BCAT1: variants seen among roughly 807,000 people sequenced by gnomAD.
BCAT1 encodes branched chain amino acid transaminase 1.
BCAT1 carries 48 observed loss-of-function variants against 52.4 expected under a neutral mutation model. That is an observed-to-expected ratio of 0.92 (90% CI 0.73 to 1.16). The LOEUF is 1.16. Among genes scored for constraint, BCAT1 ranks in the 50% most tolerant of loss-of-function variants. BCAT1 has a pLI of 0.00. For missense variants in BCAT1, 451 were observed against 457.1 expected, an observed-to-expected ratio of 0.99 and a Z score of 0.12; for synonymous variants, 167 against 161.3, an observed-to-expected ratio of 1.04 and a Z score of -0.27.
chr12:24,854,986 C>G (rs1157974663), intron 5 of BCAT1, among the ~76,000 whole-genome samples: 1 of 152,060 alleles, frequency 6.6e-6, no homozygotes, highest in African/African-American at 2.4e-5. Context: ...GAGTGCCCCC[C>G]GCCCCTGAGC....
chr12:24,898,520 CTTTTT>C (rs71448094), intron 2 of BCAT1, among the ~76,000 whole-genome samples: 13 of 38,530 alleles, frequency 3.4e-4, no homozygotes, highest in African/African-American at 8.6e-4. Context: ...TCAGTCAACA[CTTTTT>C]TTTTTTTTTT....
In BCAT1 at chr12:24,866,292, C is replaced by G. The variant is rs372178795; in HGVS notation, c.510+12238G>C. Among the ~76,000 whole-genome samples the G allele has an allele frequency of 4.9e-4, 74 of 152,340 alleles. No individual in the cohort carries two copies. The South Asian group carries it at 6.8e-3, about 14-fold the overall frequency. On this transcript the variant is annotated intron_variant, in intron 5 of 10. Transcript: ENST00000261192. Reference sequence around the variant, plus strand: ...ACCGGCGCCGCGCTAGATTTCTCGCCGGGCCAGATTTCTCGCCAGGCCTTA... The same window carrying G: ...ACCGGCGCCGCGCTAGATTTCTCGCGGGGCCAGATTTCTCGCCAGGCCTTA...
rs1939938746 is a variant in BCAT1 at position 24,817,876 on chromosome 12, T to C, written c.*132A>G. On this transcript the variant is annotated 3_prime_UTR_variant, in exon 11 of 11. Transcript: ENST00000261192. ...TGGCATGAAGAAACAATCACTCTTGTAACACATTGATACTACAAACTACAT... is the reference window on the plus strand; with the variant it reads ...TGGCATGAAGAAACAATCACTCTTGCAACACATTGATACTACAAACTACAT... The C allele has an allele frequency of 1.1e-6, 1 of 891,372 alleles. No homozygotes were observed. The highest frequency in any genetic ancestry group is 1.7e-5 in the African/African-American group (1 of 60,340). The allele number at this position is 891,372 out of a possible 1,614,324, so 55.2% of individuals were successfully genotyped here.
chr12:24,837,573 C>T (rs1010191223), intron 7 of BCAT1, among the ~76,000 whole-genome samples: 10 of 151,522 alleles, frequency 6.6e-5, no homozygotes, highest in Admixed American at 3.3e-4. Context: ...ATTACAGGTA[C>T]GCGCCACCAC....
chr12:24,887,369 T>G (rs529253485), intron 3 of BCAT1, among the ~76,000 whole-genome samples: 204 of 152,070 alleles, frequency 1.3e-3, no homozygotes, highest in African/African-American at 4.8e-3. Flanking sequence ...AGATCTTACA[T>G]AATACTAAGC....
At chr12:24,836,823 A>AAGAAAG (rs1555102765) in intron 7 of BCAT1, among the ~76,000 whole-genome samples, 1 of 114,364 alleles carries the variant, frequency 8.7e-6, no homozygotes, top group Non-Finnish European at 1.8e-5. Context: ...GGAAGGAAAG[A>AAGAAAG]AGGAAGGAAG....
chr12:24,889,457 C>T (rs1445279841), intron 3 of BCAT1, among the ~76,000 whole-genome samples: 1 of 152,224 alleles, frequency 6.6e-6, no homozygotes, highest in African/African-American at 2.4e-5. Flanking sequence ...GAACCCTGAC[C>T]TTCCTCATCA....
At chr12:24,867,583 G>C (rs1234449102) in intron 5 of BCAT1, among the ~76,000 whole-genome samples, 6 of 152,142 alleles carry the variant, frequency 3.9e-5, no homozygotes, top group Non-Finnish European at 8.8e-5. Flanking sequence ...AAGCTCAAAA[G>C]CAGGAGCATG....
chr12:24,923,132 T>C (rs1297161392), intron 1 of BCAT1, among the ~76,000 whole-genome samples: 1 of 152,076 alleles, frequency 6.6e-6, no homozygotes, highest in Non-Finnish European at 1.5e-5. Context: ...AATTCCAGAC[T>C]CCCAGAAGGA....
intron 1 of BCAT1, among the ~76,000 whole-genome samples, chr12:24,907,193 G>A (rs113937069): frequency 2.4e-4 from 37 of 152,254 alleles, no homozygotes; most frequent in African/African-American, 8.2e-4. Context: ...AACATTCCCT[G>A]CCTTTGCCAG....
chr12:24,836,941 AGAAAGAAAGAAAGAAAAGAG>A (rs1165511224), intron 7 of BCAT1, among the ~76,000 whole-genome samples: 58 of 122,484 alleles, frequency 4.7e-4, no homozygotes, highest in Non-Finnish European at 8.2e-4. Flanking sequence ...AAAGAAAGAA[AGAAAGAAAGAAAGAAAAGAG>A]AAAGAAAGAA....
chr12:24,819,670 C>A (rs988913265), intron 10 of BCAT1, among the ~76,000 whole-genome samples: 4 of 152,162 alleles, frequency 2.6e-5, no homozygotes, highest in Non-Finnish European at 5.9e-5. Context: ...TCACAATGTA[C>A]ATGTGCTGTG....
At chr12:24,858,758 G>A (rs534401533) in intron 5 of BCAT1, among the ~76,000 whole-genome samples, 2 of 152,316 alleles carry the variant, frequency 1.3e-5, no homozygotes, top group East Asian at 1.9e-4. Flanking sequence ...TACCTGCAAG[G>A]CGTGTAAGGA....
At chr12:24,850,241 C>G (rs1177037162) in intron 5 of BCAT1, among the ~76,000 whole-genome samples, 1 of 152,188 alleles carries the variant, frequency 6.6e-6, no homozygotes, top group Non-Finnish European at 1.5e-5. Flanking sequence ...AGACATATTT[C>G]TAACAACTAT....
rs1321572206 is a variant in BCAT1, at chr12:24,932,812, G to T, written c.6+16115C>A. Among the ~76,000 whole-genome samples the T allele has an allele frequency of 4.1e-5, 6 of 147,530 alleles. No individual in the cohort carries two copies. In the South Asian group the frequency reaches 6.5e-4, roughly 16 times the overall value. On this transcript the variant is annotated intron_variant, in intron 1 of 10. Coordinates refer to ENST00000261192, the MANE Select transcript of BCAT1 (RefSeq NM_005504.7). ...CCACCATGCCTGGTTAATTTTTTTG[G>T]TTTTTTTGTTTTGTTTTGAGATGGA... is the stretch of plus-strand genomic sequence containing the variant.
At chr12:24,937,656 G>A (rs1943782496) in intron 1 of BCAT1, among the ~76,000 whole-genome samples, 2 of 152,080 alleles carry the variant, frequency 1.3e-5, no homozygotes, top group African/African-American at 4.8e-5. Flanking sequence ...GGATTACAGT[G>A]CTGGGGCTGT....
chr12:24,821,098 C>T (rs1232162675), intron 10 of BCAT1, among the ~76,000 whole-genome samples: 2 of 152,142 alleles, frequency 1.3e-5, no homozygotes, highest in Non-Finnish European at 2.9e-5. Context: ...TGTATGCACA[C>T]GGAGGACAGC....
intron 9 of BCAT1, among the ~76,000 whole-genome samples, chr12:24,831,179 T>C (rs1220507213): frequency 1.3e-5 from 2 of 152,206 alleles, no homozygotes; most frequent in African/African-American, 4.8e-5. Flanking sequence ...TCCACTTCCA[T>C]GTAATGAATA....
At chr12:24,857,841 T>C (rs376105853) in intron 5 of BCAT1, among the ~76,000 whole-genome samples, 1 of 152,198 alleles carries the variant, frequency 6.6e-6, no homozygotes, top group Non-Finnish European at 1.5e-5. Context: ...AACCTTGGTG[T>C]GTAATAACTA....
Sources: allele counts gnomAD v4.1 joint callset (sites outside exome capture counted in the v4.1 genomes callset), GRCh38; gene constraint gnomAD v4.1.1; transcripts MANE v1.5; gene names NCBI Gene and HGNC (gene_info 2026-07-23, HGNC 2026-07-21).